Variants in RACGAP1 observed in about 807,000 individuals in gnomAD.
The protein encoded by RACGAP1 is rac GTPase-activating protein 1.
Under a neutral mutation model 78.1 loss-of-function variants are expected in RACGAP1, and 30 were observed. That is an observed-to-expected ratio of 0.38 (90% CI 0.29 to 0.52). RACGAP1 has a LOEUF of 0.52. Ranked by LOEUF, RACGAP1 falls within the 20% of genes least tolerant of loss-of-function variation. RACGAP1 has a pLI of 0.82. For synonymous variants in RACGAP1, 231 were observed against 264.8 expected (o/e 0.87, Z 1.24); for missense variants, 587 against 777.1 (o/e 0.76, Z 2.91).
At chr12:50,012,687 A>T (rs969169217) in intron 2 of RACGAP1, among the ~76,000 whole-genome samples, 1 of 152,084 alleles carries the variant, frequency 6.6e-6, no homozygotes, top group African/African-American at 2.4e-5. Context: ...TGAACCTGGG[A>T]GGCAGAAGTT....
intron 3 of RACGAP1, 35 bp from the exon 4 acceptor site, chr12:50,005,427 G>C: frequency 6.2e-7 from 1 of 1,609,860 alleles, no homozygotes. Flanking sequence ...ATCATAACTA[G>C]CCAGGGGAGA....
At position 49,998,334 on chromosome 12, in the gene RACGAP1, G is replaced by A. The variant is rs187692427; in HGVS notation, c.879+807C>T. ...CAGGAGGATTGCTTGAACCCGGGAG[G>A]CAGAGGTTGCAGTGAGCCGAAATCG... On this transcript the variant is annotated intron_variant, in intron 9 of 16. Coordinates refer to ENST00000312377, the MANE Select transcript of RACGAP1 (RefSeq NM_001319999.2). Among the ~76,000 whole-genome samples the A allele has an allele frequency of 3.7e-4, 56 of 152,054 alleles. 3 individuals carry two copies. The East Asian group carries it at 9.2e-3, about 25-fold the overall frequency.
At chr12:50,030,210 G>A (rs1232631344), upstream of RACGAP1, among the ~76,000 whole-genome samples, 1 of 152,104 alleles carries the variant, frequency 6.6e-6, no homozygotes, top group Non-Finnish European at 1.5e-5. Flanking sequence ...CAAACTAGCT[G>A]AATGTAGTGG....
rs374508047 is a variant in RACGAP1 at position 50,005,787 on chromosome 12, A to T, written c.289-395T>A. 9.5e-4 allele frequency among the ~76,000 whole-genome samples: 144 copies of T among 152,354 alleles called. 1 individual carries two copies. Among genetic ancestry groups the T allele is most frequent in the African/African-American group, 3.4e-3 (141 of 41,580 alleles). On this transcript the variant is annotated intron_variant, in intron 3 of 16. Transcript: ENST00000312377. ...CTCTCAAAGTAGTGGAGCAAAATGC[A>T]TTAAAATGGATACAAAGCTATAATG...
At chr12:50,011,225 T>C (rs1592194758) in intron 2 of RACGAP1, among the ~76,000 whole-genome samples, 1 of 150,838 alleles carries the variant, frequency 6.6e-6, no homozygotes, top group South Asian at 2.1e-4. Flanking sequence ...TCCCAGCTAC[T>C]TGGGAGGCTG....
At chr12:50,011,749 A>G (rs1379190997) in intron 2 of RACGAP1, among the ~76,000 whole-genome samples, 9 of 151,896 alleles carry the variant, frequency 5.9e-5, no homozygotes, top group African/African-American at 2.2e-4. Context: ...AGGTCAGGAG[A>G]TCGAGACCAT....
chr12:50,001,316 T>C, intron 6 of RACGAP1, 64 bp from the exon 7 acceptor site: 1 of 1,372,908 alleles, frequency 7.3e-7, no homozygotes, highest in Non-Finnish European at 1.0e-6. Flanking sequence ...GAAGATAAAA[T>C]TATTCCATCA....
At chr12:50,011,932 C>G (rs185104839) in intron 2 of RACGAP1, among the ~76,000 whole-genome samples, 5 of 127,422 alleles carry the variant, frequency 3.9e-5, no homozygotes, top group African/African-American at 1.6e-4. Context: ...CCAGCCTGGG[C>G]GACAGAGCGA....
At position 49,989,574 on chromosome 12, in the gene RACGAP1, A is replaced by C. The variant is rs1330949894; in HGVS notation, c.*694T>G. 6.6e-6 allele frequency: 1 copy of C among 152,228 alleles called. No homozygotes were observed. The highest frequency in any genetic ancestry group is 1.5e-5 in the Non-Finnish European group (1 of 68,036). The allele number at this position is 152,228 out of a possible 1,614,324, so 9.4% of individuals were successfully genotyped here. ...TGGCTTTGACCCCAAATGAACCCAA[A>C]GTTCAGCCAGCAGCACATCAGAGAT... On this transcript the variant is annotated 3_prime_UTR_variant, in exon 17 of 17. Transcript: ENST00000312377.
chr12:50,014,999 C>T (rs1376028603), intron 2 of RACGAP1, among the ~76,000 whole-genome samples: 1 of 147,594 alleles, frequency 6.8e-6, no homozygotes, highest in Non-Finnish European at 1.5e-5. Context: ...GCCGAGACCA[C>T]ACCAGTGCAC....
At chr12:50,022,591 AC>A (rs751558535) in intron 1 of RACGAP1, among the ~76,000 whole-genome samples, 100 of 152,306 alleles carry the variant, frequency 6.6e-4, no homozygotes, top group Non-Finnish European at 1.2e-3. Context: ...TCAAAAAAAA[AC>A]AAAACGAAAA....
upstream of RACGAP1, among the ~76,000 whole-genome samples, chr12:50,026,029 T>C (rs1950258708): frequency 6.6e-6 from 1 of 152,250 alleles, no homozygotes; most frequent in Admixed American, 6.5e-5. Flanking sequence ...ATGGAGGCGA[T>C]AGCTCTAGAA....
chr12:50,030,950 T>G (rs1229916787), intron 2 of RACGAP1, among the ~76,000 whole-genome samples: 1 of 151,364 alleles, frequency 6.6e-6, no homozygotes, highest in Non-Finnish European at 1.5e-5. Flanking sequence ...TGGCTACTTT[T>G]TGTATTTTTA....
chr12:50,025,194 C>T, intron 1 of RACGAP1: 2 of 618,244 alleles, frequency 3.2e-6, no homozygotes, highest in Non-Finnish European at 4.0e-6. Flanking sequence ...AGACAGAAGC[C>T]CCCGACCCTC....
chr12:50,011,771 C>T (rs1447534668), intron 2 of RACGAP1, among the ~76,000 whole-genome samples: 6 of 151,522 alleles, frequency 4.0e-5, no homozygotes, highest in East Asian at 3.9e-4. Flanking sequence ...CTGACTAACA[C>T]GGTGAAACCC....
upstream of RACGAP1, among the ~76,000 whole-genome samples, chr12:50,026,609 A>G (rs1950271290): frequency 6.6e-6 from 1 of 152,232 alleles, no homozygotes; most frequent in Admixed American, 6.5e-5. Flanking sequence ...GTGTATACAT[A>G]CATCAAAACA....
chr12:50,029,922 G>A (rs1950316430), upstream of RACGAP1, among the ~76,000 whole-genome samples: 1 of 152,030 alleles, frequency 6.6e-6, no homozygotes, highest in Non-Finnish European at 1.5e-5. Flanking sequence ...AAATTAAAAT[G>A]CAATTCTACT....
At chr12:50,004,512 A>G (rs1359208497) in intron 4 of RACGAP1, among the ~76,000 whole-genome samples, 1 of 152,204 alleles carries the variant, frequency 6.6e-6, no homozygotes, top group Non-Finnish European at 1.5e-5. Context: ...GTACAGGTGC[A>G]ACACAGTTGC....
chr12:49,991,872 T>A, intron 15 of RACGAP1, 126 bp downstream of exon 15: 3 of 1,530,684 alleles, frequency 2.0e-6, no homozygotes, highest in Non-Finnish European at 2.6e-6. Flanking sequence ...ATTACGATGG[T>A]AGAATTATAC....
Sources: gnomAD v4.1 joint callset for allele counts (sites outside exome capture counted in the v4.1 genomes callset) on GRCh38, gnomAD v4.1.1 for gene constraint, MANE v1.5 for transcripts, NCBI Gene and HGNC (gene_info 2026-07-23, HGNC 2026-07-21) for gene names.